The following R3HCC1L variants were observed in gnomAD, a reference collection of about 807,000 sequenced individuals.
R3HCC1L encodes the protein R3H domain and coiled-coil containing 1 like.
R3HCC1L carries 51 observed loss-of-function variants against 59.9 expected under a neutral mutation model. That is an observed-to-expected ratio of 0.85 (90% CI 0.68 to 1.07). R3HCC1L has a LOEUF of 1.07. Among genes scored for constraint, R3HCC1L ranks in the 50% least tolerant of loss-of-function variants. The pLI, the probability that R3HCC1L is intolerant of heterozygous loss-of-function variation, is 0.00. For missense variants in R3HCC1L, 965 were observed against 933.0 expected (o/e 1.03, Z -0.45); for synonymous variants, 322 against 315.2 (o/e 1.02, Z -0.23).
chr10:98,196,849 C>G (rs570061936), intron 4 of R3HCC1L, among the ~76,000 whole-genome samples: 41 of 152,120 alleles, frequency 2.7e-4, no homozygotes, highest in Non-Finnish European at 5.6e-4. Context: ...AAATAAAATC[C>G]GAAGCTCTTG....
chr10:98,239,847 G>T (rs1015378103), intron 9 of R3HCC1L, among the ~76,000 whole-genome samples: 3 of 152,010 alleles, frequency 2.0e-5, no homozygotes, highest in African/African-American at 7.2e-5. Context: ...ACAGGCATGT[G>T]CCACCATGCT....
intron 4 of R3HCC1L, among the ~76,000 whole-genome samples, chr10:98,167,975 C>G (rs1337162511): frequency 6.6e-6 from 1 of 152,058 alleles, no homozygotes; most frequent in African/African-American, 2.4e-5. Context: ...TGAGGTAAAG[C>G]CCCCAAAGCT....
intron 9 of R3HCC1L, among the ~76,000 whole-genome samples, chr10:98,241,805 TG>T (rs1857563295): frequency 6.6e-6 from 1 of 152,240 alleles, no homozygotes; most frequent in Non-Finnish European, 1.5e-5. Context: ...GTTCTTTCAC[TG>T]GCTGTGTAAC....
intron 9 of R3HCC1L, among the ~76,000 whole-genome samples, chr10:98,241,458 T>C (rs1485122036): frequency 6.6e-6 from 1 of 152,196 alleles, no homozygotes; most frequent in Non-Finnish European, 1.5e-5. Flanking sequence ...ATTTATTATA[T>C]TGGAGAATGA....
chr10:98,234,420 A>C, intron 6 of R3HCC1L, 26 bp from the exon 7 acceptor site: 1 of 1,597,662 alleles, frequency 6.3e-7, no homozygotes, highest in South Asian at 1.1e-5. Flanking sequence ...TATTTTAGGA[A>C]ATAAAATTGT....
At chr10:98,195,042 G>A (rs1296240642) in intron 4 of R3HCC1L, among the ~76,000 whole-genome samples, 1 of 152,138 alleles carries the variant, frequency 6.6e-6, no homozygotes, top group African/African-American at 2.4e-5. Flanking sequence ...ATTATTCACA[G>A]TAATCAAGAT....
At chr10:98,139,325 A>G (rs1045329254) in intron 1 of R3HCC1L, among the ~76,000 whole-genome samples, 9 of 152,364 alleles carry the variant, frequency 5.9e-5, no homozygotes, top group African/African-American at 1.7e-4. Context: ...CCGTCACACT[A>G]TGTATAAAAC....
At chr10:98,241,370 T>G (rs903181041) in intron 9 of R3HCC1L, among the ~76,000 whole-genome samples, 3 of 152,170 alleles carry the variant, frequency 2.0e-5, no homozygotes, top group Non-Finnish European at 4.4e-5. Context: ...TCTTCAACGC[T>G]TTACATTCTC....
intron 4 of R3HCC1L, among the ~76,000 whole-genome samples, chr10:98,180,762 T>A (rs1157657820): frequency 6.6e-6 from 1 of 152,234 alleles, no homozygotes; most frequent in African/African-American, 2.4e-5. Flanking sequence ...ATATTTAGGA[T>A]AGTTAGCTCT....
intron 5 of R3HCC1L, among the ~76,000 whole-genome samples, chr10:98,217,467 C>G (rs990905309): frequency 6.6e-6 from 1 of 152,074 alleles, no homozygotes; most frequent in East Asian, 1.9e-4. Context: ...CAGATTTATT[C>G]TTTTTGCTCA....
At chr10:98,170,048 AATGAGT>A (rs1470531195) in intron 4 of R3HCC1L, among the ~76,000 whole-genome samples, 1 of 152,140 alleles carries the variant, frequency 6.6e-6, no homozygotes, top group Non-Finnish European at 1.5e-5. Context: ...CCTTAATGGT[AATGAGT>A]ATTAGTGTGG....
intron 5 of R3HCC1L, among the ~76,000 whole-genome samples, chr10:98,230,797 C>A (rs990373664): frequency 6.6e-6 from 1 of 152,176 alleles, no homozygotes; most frequent in Admixed American, 6.5e-5. Flanking sequence ...GCTTTGCTGC[C>A]GCTTTCCACT....
intron 1 of R3HCC1L, among the ~76,000 whole-genome samples, chr10:98,147,454 T>G (rs1203536328): frequency 6.6e-6 from 1 of 152,190 alleles, no homozygotes; most frequent in African/African-American, 2.4e-5. Flanking sequence ...TTGCATGTGC[T>G]TTTGAGGTCT....
intron 1 of R3HCC1L, among the ~76,000 whole-genome samples, chr10:98,146,578 C>A (rs1845681524): frequency 6.6e-6 from 1 of 152,180 alleles, no homozygotes; most frequent in African/African-American, 2.4e-5. Flanking sequence ...TCTTTCTGAG[C>A]TTGGCTTGTT....
chr10:98,178,246 T>C (rs920680720), intron 4 of R3HCC1L, among the ~76,000 whole-genome samples: 3 of 152,116 alleles, frequency 2.0e-5, no homozygotes, highest in Non-Finnish European at 4.4e-5. Flanking sequence ...TTTGTATAAG[T>C]TGTAAGGAAG....
At chr10:98,167,120 A>G (rs988483894) in intron 4 of R3HCC1L, among the ~76,000 whole-genome samples, 1 of 151,780 alleles carries the variant, frequency 6.6e-6, no homozygotes, top group Admixed American at 6.6e-5. Context: ...AATACTAGAT[A>G]AGAATTCAGT....
chr10:98,226,766 A>T (rs183836526), intron 5 of R3HCC1L, among the ~76,000 whole-genome samples: 1 of 152,366 alleles, frequency 6.6e-6, no homozygotes, highest in East Asian at 1.9e-4. Flanking sequence ...GAGTTATTCC[A>T]AACTGTTAAC....
intron 4 of R3HCC1L, among the ~76,000 whole-genome samples, chr10:98,183,010 C>T (rs1434843676): frequency 4.6e-5 from 7 of 152,206 alleles, no homozygotes; most frequent in African/African-American, 1.7e-4. Context: ...AAGGTGATGC[C>T]CCACCCTGCT....
Position 98,183,913 on chromosome 10 carries a change from A to G in R3HCC1L, c.-15+20516A>G, listed in dbSNP as rs1177177132. ...AGTTCTAATATGATGGTTGTATCCG[A>G]ATCTGGTTCTATTGTTTTGTTTTTT... On this transcript the variant is annotated intron_variant, in intron 4 of 9. Coordinates refer to ENST00000298999, the MANE Select transcript of R3HCC1L (RefSeq NM_001351015.2). Among the ~76,000 whole-genome samples, 5 of 146,440 alleles carry G rather than the reference A, an allele frequency of 3.4e-5. No homozygotes were observed. The East Asian group carries it at 7.8e-4, about 23-fold the overall frequency.
Sources: gnomAD v4.1 joint callset for allele counts (sites outside exome capture counted in the v4.1 genomes callset) on GRCh38, gnomAD v4.1.1 for gene constraint, MANE v1.5 for transcripts, NCBI Gene and HGNC (gene_info 2026-07-23, HGNC 2026-07-21) for gene names.